Variants in SYNDIG1L observed in about 807,000 individuals in gnomAD.
SYNDIG1L encodes the protein synapse differentiation inducing 1 like, also known as synapse differentiation-inducing gene protein 1-like.
A neutral mutation model predicts 20.1 loss-of-function variants in SYNDIG1L; 13 were observed. The observed-to-expected ratio is 0.65, with a 90% confidence interval of 0.42 to 1.03. The LOEUF is 1.03. Among genes scored for constraint, SYNDIG1L ranks in the 50% least tolerant of loss-of-function variants. The pLI is 0.00. For synonymous variants in SYNDIG1L, 128 were observed against 129.3 expected (o/e 0.99, Z 0.07); for missense variants, 294 against 305.1 (o/e 0.96, Z 0.27).
At chr14:74,477,723 C>G in the SYNDIG1L span, among the ~76,000 whole-genome samples, 3 of 152,080 alleles carry the variant, frequency 2.0e-5, no homozygotes, top group Non-Finnish European at 2.9e-5. Flanking sequence ...AGCAGGGGTG[C>G]CCCTCATTAT....
the SYNDIG1L span, among the ~76,000 whole-genome samples, chr14:74,477,091 A>G: frequency 3.0e-5 from 1 of 33,734 alleles, no homozygotes; most frequent in East Asian, 7.5e-4. Context: ...CACACACACA[A>G]CCCTGTCTCC....
chr14:74,406,697 T>A lies in SYNDIG1L; in HGVS notation c.*838A>T, dbSNP rs2086083166. On this transcript the variant is annotated 3_prime_UTR_variant, in exon 4 of 4. Transcript: ENST00000331628. ...GTGAGCTGAGGGCACTCTCTGGGTCTAGTCTACTTGTGATGGCACCAGCTC... is the reference window on the plus strand; with the variant it reads ...GTGAGCTGAGGGCACTCTCTGGGTCAAGTCTACTTGTGATGGCACCAGCTC... The A allele has an allele frequency of 6.6e-6, 1 of 152,266 alleles. No homozygotes were observed. The highest frequency in any genetic ancestry group is 2.1e-4 in the South Asian group (1 of 4,832). 9.4% of individuals were successfully genotyped at this position (152,266 alleles called of 1,614,324 possible).
chr14:74,434,552 G>A, the SYNDIG1L span, among the ~76,000 whole-genome samples: 1 of 151,972 alleles, frequency 6.6e-6, no homozygotes, highest in African/African-American at 2.4e-5. Context: ...GATGACTTGG[G>A]GAGGAAAGGG....
chr14:74,430,886 T>C (rs985197271), upstream of SYNDIG1L, among the ~76,000 whole-genome samples: 23 of 152,202 alleles, frequency 1.5e-4, no homozygotes, highest in Non-Finnish European at 2.5e-4. Flanking sequence ...ATTTCATTCT[T>C]ATAAACATGT....
At chr14:74,418,399 C>T (rs937076952) in intron 1 of SYNDIG1L, among the ~76,000 whole-genome samples, 1 of 152,358 alleles carries the variant, frequency 6.6e-6, no homozygotes, top group Middle Eastern at 3.4e-3. Context: ...ATTATCCTTT[C>T]TCTCGCCTCT....
the SYNDIG1L span, among the ~76,000 whole-genome samples, chr14:74,446,729 G>C: frequency 6.6e-6 from 1 of 150,914 alleles, no homozygotes; most frequent in Non-Finnish European, 1.5e-5. Flanking sequence ...CAATTCTCCT[G>C]CCTCTGCCTA....
chr14:74,428,178 T>C (rs1024793154), upstream of SYNDIG1L, among the ~76,000 whole-genome samples: 3 of 152,396 alleles, frequency 2.0e-5, no homozygotes, highest in East Asian at 1.9e-4. Flanking sequence ...CTAATCTTCC[T>C]GGGCCTTTGC....
At chr14:74,417,844 G>A (rs558627937) in intron 1 of SYNDIG1L, among the ~76,000 whole-genome samples, 73 of 152,172 alleles carry the variant, frequency 4.8e-4, no homozygotes, top group African/African-American at 1.6e-3. Flanking sequence ...AAATGGGAGC[G>A]TTAAAAAAAG....
Position 74,409,587 on chromosome 14 carries a change from T to C in SYNDIG1L, c.158A>G (p.Gln53Arg). The change falls in exon 2 of 4, where the codon CAG becomes CGG. Residue 53 changes from glutamine to arginine, a missense_variant. Gln to Arg is a conservative substitution (Grantham distance 43). Coordinates refer to ENST00000331628, the MANE Select transcript of SYNDIG1L (RefSeq NM_001105579.2). Reference sequence around the variant, plus strand: ...CTGCAGGGACCCTGGGTCCAGGAGCTGGTGGGCTCCGGCAGGCCCAGCGCC... The same window carrying C: ...CTGCAGGGACCCTGGGTCCAGGAGCCGGTGGGCTCCGGCAGGCCCAGCGCC... ...LGGAGPAGAH[Q>R]LLDPGSLQLA... 2 of 1,510,042 alleles carry C rather than the reference T, an allele frequency of 1.3e-6. No homozygotes were observed. The highest frequency in any genetic ancestry group is 1.8e-6 in the Non-Finnish European group (2 of 1,130,634). The allele number at this position is 1,510,042 out of a possible 1,614,324, so 93.5% of individuals were successfully genotyped here. A position where few individuals can be genotyped will look rare whatever the true frequency, so the allele number is the denominator to read the frequency against.
At chr14:74,439,426 C>G in the SYNDIG1L span, among the ~76,000 whole-genome samples, 7 of 152,304 alleles carry the variant, frequency 4.6e-5, no homozygotes, top group South Asian at 1.5e-3. Flanking sequence ...TTGCTTCTCT[C>G]TTGCCTGCAC....
At chr14:74,449,450 A>AG in the SYNDIG1L span, among the ~76,000 whole-genome samples, 1 of 139,872 alleles carries the variant, frequency 7.1e-6, no homozygotes. Context: ...AAAAAAAAAA[A>AG]AAAAAAAAAA....
the SYNDIG1L span, among the ~76,000 whole-genome samples, chr14:74,433,041 C>T: frequency 2.0e-5 from 3 of 152,084 alleles, no homozygotes; most frequent in African/African-American, 7.2e-5. Flanking sequence ...TTAATAAGTG[C>T]CAGGTCTTGT....
chr14:74,466,063 CT>C, the SYNDIG1L span, among the ~76,000 whole-genome samples: 1 of 152,090 alleles, frequency 6.6e-6, no homozygotes, highest in African/African-American at 2.4e-5. Context: ...TTGAGGCGGT[CT>C]CCTAACTCGG....
At chr14:74,478,770 A>G in the SYNDIG1L span, among the ~76,000 whole-genome samples, 1 of 152,208 alleles carries the variant, frequency 6.6e-6, no homozygotes, top group African/African-American at 2.4e-5. Context: ...ATTTGTAGAC[A>G]AAGAAGAATG....
chr14:74,443,978 C>G, the SYNDIG1L span, among the ~76,000 whole-genome samples: 1 of 152,216 alleles, frequency 6.6e-6, no homozygotes, highest in Non-Finnish European at 1.5e-5. Flanking sequence ...TCTTGCAGCT[C>G]TTAGAGCCCT....
chr14:74,422,738 G>C (rs1237436174), intron 1 of SYNDIG1L, among the ~76,000 whole-genome samples: 1 of 134,372 alleles, frequency 7.4e-6, no homozygotes, highest in African/African-American at 2.8e-5. Context: ...TTTTAAGACA[G>C]GGTCTCCCTC....
At chr14:74,412,464 T>G (rs771446240) in intron 1 of SYNDIG1L, among the ~76,000 whole-genome samples, 29 of 152,162 alleles carry the variant, frequency 1.9e-4, no homozygotes, top group Non-Finnish European at 3.8e-4. Flanking sequence ...GTTTCCCCAG[T>G]GAGTGATTGT....
chr14:74,477,857 G>T, the SYNDIG1L span, among the ~76,000 whole-genome samples: 1 of 152,154 alleles, frequency 6.6e-6, no homozygotes, highest in African/African-American at 2.4e-5. Context: ...TGACCTTTTT[G>T]ATATACCTAA....
chr14:74,477,153 G>A, the SYNDIG1L span, among the ~76,000 whole-genome samples: 4 of 122,190 alleles, frequency 3.3e-5, no homozygotes, highest in Admixed American at 8.9e-5. Context: ...ACACACCCTC[G>A]CCTGAGTGTT....
Sources: allele counts gnomAD v4.1 joint callset (sites outside exome capture counted in the v4.1 genomes callset), GRCh38; gene constraint gnomAD v4.1.1; transcripts MANE v1.5; gene names NCBI Gene and HGNC (gene_info 2026-07-23, HGNC 2026-07-21).